The following CDKL2 variants were observed in gnomAD, a reference collection of about 807,000 sequenced individuals.
CDKL2 encodes cyclin-dependent kinase-like 2.
Under a neutral mutation model 63.9 loss-of-function variants are expected in CDKL2, and 64 were observed. The ratio of observed to expected loss-of-function variants is 1.00; its 90% confidence interval spans 0.82 to 1.23. The LOEUF is 1.23. Ranked by LOEUF, CDKL2 falls within the 50% of genes most tolerant of loss-of-function variation. The pLI is 0.00. For synonymous variants in CDKL2, 211 were observed against 229.2 expected, an observed-to-expected ratio of 0.92 and a Z score of 0.72; for missense variants, 656 against 668.0, an observed-to-expected ratio of 0.98 and a Z score of 0.20.
chr4:75,616,750 T>C (rs1560591353), intron 2 of CDKL2, among the ~76,000 whole-genome samples: 5 of 34,164 alleles, frequency 1.5e-4, no homozygotes, highest in African/African-American at 5.1e-4. Flanking sequence ...AAATGTTTTT[T>C]AAAGAGTTAT....
At chr4:75,601,990 G>A (rs6826947) in intron 6 of CDKL2, among the ~76,000 whole-genome samples, 1 of 151,896 alleles carries the variant, frequency 6.6e-6, no homozygotes, top group East Asian at 1.9e-4. Context: ...CCCCAAAAAG[G>A]TCAAATTTTA....
At chr4:75,596,000 G>A (rs113120704) in intron 10 of CDKL2, 1 of 328,024 alleles carries the variant, frequency 3.0e-6, no homozygotes, top group Non-Finnish European at 5.2e-6. Flanking sequence ...AAGGAAGGAA[G>A]GAAGGAAGGA....
chr4:75,586,361 G>A (rs1264282506), intron 12 of CDKL2, among the ~76,000 whole-genome samples: 2 of 151,972 alleles, frequency 1.3e-5, no homozygotes, highest in South Asian at 2.1e-4. Context: ...GAGTAGCTGG[G>A]ACTACAGGCG....
chr4:75,600,209 C>A, intron 7 of CDKL2, 72 bp downstream of exon 7: 1 of 916,442 alleles, frequency 1.1e-6, no homozygotes. Context: ...AAGAGAAGTG[C>A]TATTTGTGAC....
At chr4:75,626,968 C>T (rs1321935482) in intron 1 of CDKL2, among the ~76,000 whole-genome samples, 4 of 152,032 alleles carry the variant, frequency 2.6e-5, no homozygotes, top group Admixed American at 6.5e-5. Flanking sequence ...CTTTAGAAGG[C>T]GGAGGCGGGC....
intron 10 of CDKL2, 118 bp downstream of exon 10, chr4:75,596,129 G>C: frequency 1.6e-6 from 1 of 622,384 alleles, no homozygotes. Context: ...CACAATTAAG[G>C]TTTCACTTTA....
At chr4:75,596,027 AG>A (rs1728914307) in intron 10 of CDKL2, 1 of 50,372 alleles carries the variant, frequency 2.0e-5, no homozygotes, top group African/African-American at 1.9e-4. Flanking sequence ...GAAGGAAGGA[AG>A]GAAGAAAGGA....
intron 12 of CDKL2, among the ~76,000 whole-genome samples, chr4:75,590,458 T>C (rs1228132276): frequency 2.6e-5 from 4 of 152,232 alleles, no homozygotes; most frequent in Admixed American, 6.5e-5. Flanking sequence ...CTCATGCCTA[T>C]AATCCCAGCA....
intron 2 of CDKL2, among the ~76,000 whole-genome samples, chr4:75,621,401 G>GT (rs1194443679): frequency 5.3e-5 from 8 of 151,878 alleles, no homozygotes; most frequent in Non-Finnish European, 7.4e-5. Context: ...AAGGAACACA[G>GT]TAAGACTGAT....
rs530813109 is a variant in CDKL2, at chr4:75,603,841, A to G, written c.771T>C (p.Ser257=). Residue 257 remains serine, a synonymous_variant, in exon 6 of 14, where the codon TCT becomes TCC. Transcript: ENST00000307465. ...EPLERRYPKL[S]EVVIDLAKKC... ...CCTTTGCTAAATCTATCACCACTTCAGAGAGCTTAGGATAGCGTCTTTCAA... is the reference window on the plus strand; with the variant it reads ...CCTTTGCTAAATCTATCACCACTTCGGAGAGCTTAGGATAGCGTCTTTCAA... 6.2e-7 allele frequency: 1 copy of G among 1,609,908 alleles called. No homozygotes were observed. The highest frequency in any genetic ancestry group is 2.2e-5 in the East Asian group (1 of 44,826).
rs924546398 is a variant in CDKL2 at position 75,602,682 on chromosome 4, C to T, written c.795+1135G>A. ...GATTACAGACATGCACCACCATGCC[C>T]AGCTAATTTTTTTGTATTTCTAATA... On this transcript the variant is annotated intron_variant, in intron 6 of 13. Transcript: ENST00000307465. Among the ~76,000 whole-genome samples the T allele has an allele frequency of 1.8e-4, 28 of 152,078 alleles. 1 individual carries two copies. The highest frequency in any genetic ancestry group is 6.5e-4 in the African/African-American group (27 of 41,414).
At chr4:75,597,684 G>A (rs1225481477) in intron 8 of CDKL2, among the ~76,000 whole-genome samples, 2 of 152,188 alleles carry the variant, frequency 1.3e-5, no homozygotes, top group Admixed American at 6.5e-5. Flanking sequence ...CCTAAGTTAA[G>A]TATCCAAATC....
chr4:75,622,701 G>C (rs1420975057), intron 2 of CDKL2, among the ~76,000 whole-genome samples: 1 of 93,116 alleles, frequency 1.1e-5, no homozygotes, highest in African/African-American at 4.3e-5. Flanking sequence ...CTGGGTGACA[G>C]AGCAAGACTC....
At chr4:75,617,165 C>T (rs1392752255) in intron 2 of CDKL2, among the ~76,000 whole-genome samples, 1 of 152,030 alleles carries the variant, frequency 6.6e-6, no homozygotes, top group South Asian at 2.1e-4. Context: ...TGTAACAAAC[C>T]TGTACATCCT....
chr4:75,584,532 C>T (rs570357258), intron 12 of CDKL2, among the ~76,000 whole-genome samples: 96 of 152,256 alleles, frequency 6.3e-4, no homozygotes, highest in African/African-American at 2.2e-3. Flanking sequence ...GCTCCTGACC[C>T]AGAAACTGTG....
chr4:75,600,146 G>A, intron 7 of CDKL2, 135 bp downstream of exon 7: 1 of 579,288 alleles, frequency 1.7e-6, no homozygotes, highest in Non-Finnish European at 3.1e-6. Context: ...AAGGGAATAT[G>A]GGGGTAGAGT....
In CDKL2 at chr4:75,576,821, T is replaced by C. The variant is rs1198300575; in HGVS notation, c.*2381A>G. Among the ~76,000 whole-genome samples, 1 of 152,222 alleles carries C rather than the reference T, an allele frequency of 6.6e-6. No individual in the cohort carries two copies. Among genetic ancestry groups the C allele is most frequent in the African/African-American group, 2.4e-5 (1 of 41,462 alleles). ...GTCACATAAGAAAACACATTTTCTA[T>C]GTTCCATTTCAATGGGAAGTCAGAT... On this transcript the variant is annotated 3_prime_UTR_variant, in exon 14 of 14. Transcript: ENST00000307465.
chr4:75,590,759 C>T (rs564233643), intron 12 of CDKL2, among the ~76,000 whole-genome samples: 12 of 151,920 alleles, frequency 7.9e-5, no homozygotes, highest in African/African-American at 1.2e-4. Context: ...AAAAGCATCA[C>T]CGTGGATAAA....
chr4:75,616,765 C>T (rs901124176), intron 2 of CDKL2, among the ~76,000 whole-genome samples: 2 of 91,906 alleles, frequency 2.2e-5, no homozygotes, highest in Non-Finnish European at 4.6e-5. Context: ...AGTTATACAT[C>T]ATAGAATATT....
Sources: gnomAD v4.1 joint callset for allele counts (sites outside exome capture counted in the v4.1 genomes callset) on GRCh38, gnomAD v4.1.1 for gene constraint, MANE v1.5 for transcripts, NCBI Gene and HGNC (gene_info 2026-07-23, HGNC 2026-07-21) for gene names.